Variants in PSD3 observed in about 807,000 individuals in gnomAD.
PSD3 encodes PH and SEC7 domain-containing protein 3.
PSD3 carries 49 observed loss-of-function variants against 105.5 expected under a neutral mutation model. The ratio of observed to expected loss-of-function variants is 0.46; its 90% confidence interval spans 0.37 to 0.59. PSD3 has a LOEUF of 0.59. Ranked by LOEUF, PSD3 falls within the 20% of genes least tolerant of loss-of-function variation. PSD3 has a pLI of 0.00. For missense variants in PSD3, 1,561 were observed against 1,263.8 expected (o/e 1.24, Z -3.57); for synonymous variants, 557 against 457.8 (o/e 1.22, Z -2.77).
intron 12 of PSD3, among the ~76,000 whole-genome samples, chr8:18,578,959 G>A (rs1802632535): frequency 6.6e-6 from 1 of 152,060 alleles, no homozygotes; most frequent in South Asian, 2.1e-4. Context: ...AACTGAAGTT[G>A]AAAAATTTTA....
intron 11 of PSD3, among the ~76,000 whole-genome samples, chr8:18,608,285 A>G (rs1805012682): frequency 6.6e-6 from 1 of 152,216 alleles, no homozygotes; most frequent in Admixed American, 6.5e-5. Context: ...GCACTGTTCC[A>G]GTCAGATTGA....
chr8:18,980,999 C>A (rs1220756993), intron 1 of PSD3, among the ~76,000 whole-genome samples: 1 of 152,180 alleles, frequency 6.6e-6, no homozygotes, highest in African/African-American at 2.4e-5. Flanking sequence ...AAATCTTTTA[C>A]ACCTCTCAGG....
chr8:18,836,904 C>A (rs60104279), intron 4 of PSD3, among the ~76,000 whole-genome samples: 44,175 of 151,304 alleles, frequency 0.29, 6,691 homozygotes, highest in Non-Finnish European at 0.3. Flanking sequence ...TCACAGATAC[C>A]AGGGCTGACT....
intron 2 of PSD3, among the ~76,000 whole-genome samples, chr8:18,888,941 C>T (rs572624829): frequency 6.6e-6 from 1 of 152,208 alleles, no homozygotes; most frequent in East Asian, 1.9e-4. Context: ...GTGAGCATCC[C>T]ATAAGCTAGC....
At chr8:18,819,841 T>G (rs879684331) in intron 4 of PSD3, among the ~76,000 whole-genome samples, 36 of 152,206 alleles carry the variant, frequency 2.4e-4, no homozygotes, top group Non-Finnish European at 4.8e-4. Context: ...CCTCCCAAAG[T>G]GCTGGGTTTA....
intron 9 of PSD3, among the ~76,000 whole-genome samples, chr8:18,662,417 T>C (rs1809414650): frequency 6.6e-6 from 1 of 152,200 alleles, no homozygotes; most frequent in Non-Finnish European, 1.5e-5. Context: ...AACTAATTTT[T>C]TTCCTACTTA....
intron 10 of PSD3, among the ~76,000 whole-genome samples, chr8:18,637,278 C>T (rs1406949144): frequency 2.0e-5 from 3 of 152,122 alleles, no homozygotes; most frequent in Non-Finnish European, 4.4e-5. Context: ...CACATTCCTT[C>T]GTTATAGTCT....
chr8:19,013,915 T>C (rs1009571406), upstream of PSD3: 1 of 130,884 alleles, frequency 7.6e-6, no homozygotes, highest in Non-Finnish European at 1.7e-5. Flanking sequence ...GGGGGCGGGG[T>C]CTCCAGGGCA....
chr8:18,584,772 C>T (rs188935631), intron 12 of PSD3, among the ~76,000 whole-genome samples: 2 of 152,278 alleles, frequency 1.3e-5, no homozygotes, highest in Admixed American at 1.3e-4. Flanking sequence ...GAATACTGCT[C>T]TTAAATGTCT....
At chr8:18,555,960 A>G (rs959140552) in intron 15 of PSD3, among the ~76,000 whole-genome samples, 1 of 152,154 alleles carries the variant, frequency 6.6e-6, no homozygotes, top group Non-Finnish European at 1.5e-5. Context: ...GCGGGCGCAC[A>G]CTATTCCAAC....
At chr8:19,035,143 C>T (rs556933832) in intron 1 of PSD3, among the ~76,000 whole-genome samples, 1 of 152,222 alleles carries the variant, frequency 6.6e-6, no homozygotes, top group African/African-American at 2.4e-5. Flanking sequence ...TTTGATATTG[C>T]ATGTGTCTAT....
At chr8:18,766,934 C>G (rs1175850659) in intron 8 of PSD3, among the ~76,000 whole-genome samples, 1 of 152,152 alleles carries the variant, frequency 6.6e-6, no homozygotes, top group Admixed American at 6.5e-5. Context: ...TTTGCACTAG[C>G]GGGAGATACC....
intron 9 of PSD3, among the ~76,000 whole-genome samples, chr8:18,665,139 C>T (rs958418342): frequency 6.6e-6 from 1 of 152,190 alleles, no homozygotes; most frequent in African/African-American, 2.4e-5. Context: ...TATTTAAATA[C>T]ATTTCACAAG....
At chr8:18,620,020 C>G (rs1010736491) in intron 11 of PSD3, among the ~76,000 whole-genome samples, 2 of 152,160 alleles carry the variant, frequency 1.3e-5, no homozygotes, top group African/African-American at 4.8e-5. Flanking sequence ...GTCTGTTTCT[C>G]TGAGGGCTGC....
chr8:18,778,780 C>A (rs543530993), intron 8 of PSD3, among the ~76,000 whole-genome samples: 1 of 151,902 alleles, frequency 6.6e-6, no homozygotes, highest in South Asian at 2.1e-4. Context: ...ATATAATAAA[C>A]CATCCTACCA....
chr8:18,558,332 T>C (rs1197307384), intron 14 of PSD3, among the ~76,000 whole-genome samples: 2 of 152,220 alleles, frequency 1.3e-5, no homozygotes, highest in African/African-American at 4.8e-5. Flanking sequence ...AAAAGCATGA[T>C]GTATTTTCCT....
intron 8 of PSD3, among the ~76,000 whole-genome samples, chr8:18,790,267 C>A (rs548019482): frequency 6.6e-6 from 1 of 151,034 alleles, no homozygotes; most frequent in East Asian, 1.9e-4. Flanking sequence ...ATTTACAATT[C>A]ATCATTTTTA....
chr8:18,819,086 G>A (rs563403168), intron 4 of PSD3, among the ~76,000 whole-genome samples: 6 of 152,056 alleles, frequency 3.9e-5, no homozygotes, highest in African/African-American at 1.2e-4. Flanking sequence ...ACTACCTAAC[G>A]ACTGTTCATA....
intron 2 of PSD3, among the ~76,000 whole-genome samples, chr8:18,877,442 C>T (rs1259831822): frequency 6.6e-6 from 1 of 152,056 alleles, no homozygotes; most frequent in Non-Finnish European, 1.5e-5. Flanking sequence ...CATCAAAAAG[C>T]CTTGGTGCCC....
Sources: gnomAD v4.1 joint callset for allele counts (sites outside exome capture counted in the v4.1 genomes callset) on GRCh38, gnomAD v4.1.1 for gene constraint, MANE v1.5 for transcripts, NCBI Gene and HGNC (gene_info 2026-07-23, HGNC 2026-07-21) for gene names.